The following NRXN2 variants were observed in gnomAD, a reference collection of about 807,000 sequenced individuals.
NRXN2 encodes neurexin-2-beta.
NRXN2 carries 29 observed loss-of-function variants against 128.8 expected under a neutral mutation model. That is an observed-to-expected ratio of 0.23 (90% CI 0.17 to 0.31). The LOEUF (loss-of-function observed/expected upper bound fraction) is 0.31. Among genes scored for constraint, NRXN2 ranks in the 10% least tolerant of loss-of-function variants. The pLI, the probability that NRXN2 is intolerant of heterozygous loss-of-function variation, is 1.00. For synonymous variants in NRXN2, 1,098 were observed against 1,075.2 expected (o/e 1.02, Z -0.41); for missense variants, 1,881 against 2,452.6 (o/e 0.77, Z 4.92).
chr11:64,686,714 G>A (rs1210836454), intron 5 of NRXN2, among the ~76,000 whole-genome samples: 3 of 152,240 alleles, frequency 2.0e-5, no homozygotes, highest in African/African-American at 7.2e-5. Flanking sequence ...GGCAAAGAGT[G>A]CCTGGATGTG....
At chr11:64,664,420 G>C (rs2049479578) in intron 9 of NRXN2, among the ~76,000 whole-genome samples, 1 of 151,056 alleles carries the variant, frequency 6.6e-6, no homozygotes, top group South Asian at 2.1e-4. Flanking sequence ...AGAGGTTGCA[G>C]TGAGCCGAGA....
rs1430956975 is a variant in NRXN2, at chr11:64,607,378, G to A, written c.4957C>T (p.Leu1653Phe). Reference sequence around the variant, plus strand: ...CGGTACTTATACATGGCGTAGAGGAGGATGAGGATGCAGAGCGCCGCCGCC... The same window carrying A: ...CGGTACTTATACATGGCGTAGAGGAAGATGAGGATGCAGAGCGCCGCCGCC... Reference protein sequence around the residue: ...VAAAALCILILLYAMYKYRNR... With the variant: ...VAAAALCILIFLYAMYKYRNR... The change falls in exon 23 of 23, where the codon CTC (leucine) becomes TTC (phenylalanine). Residue 1653 changes from leucine to phenylalanine, a missense_variant. Coordinates refer to ENST00000265459, the MANE Select transcript of NRXN2 (RefSeq NM_015080.4). 4 of 1,613,634 alleles carry A rather than the reference G, an allele frequency of 2.5e-6. No homozygotes were observed. The highest frequency in any genetic ancestry group is 1.1e-5 in the South Asian group (1 of 91,078).
At chr11:64,678,597 G>C (rs2051696487) in intron 6 of NRXN2, among the ~76,000 whole-genome samples, 1 of 152,106 alleles carries the variant, frequency 6.6e-6, no homozygotes, top group Non-Finnish European at 1.5e-5. Flanking sequence ...CCAATCTCTA[G>C]TGTCCCCACT....
At position 64,650,610 on chromosome 11, in the gene NRXN2, T is replaced by G; in HGVS notation, c.2947A>C (p.Asn983His). The G allele has an allele frequency of 6.2e-7, 1 of 1,614,024 alleles. No homozygotes were observed. Among genetic ancestry groups the G allele is most frequent in the South Asian group, 1.1e-5 (1 of 91,060 alleles). ...TTCCCCTTCATCAAGGACGGGCCAT[T>G]CCCCAGGTCAAACACGTAGTGGATG... ...GYIHYVFDLGNGPSLMKGNSD... is the reference protein window; with the variant it reads ...GYIHYVFDLGHGPSLMKGNSD... The change falls in exon 15 of 23, where the codon AAT (asparagine) becomes CAT (histidine). Residue 983 changes from asparagine (N) to histidine (H), a missense_variant. Transcript: ENST00000265459.
chr11:64,652,776 T>C (rs1347021966), intron 12 of NRXN2, among the ~76,000 whole-genome samples: 1 of 152,114 alleles, frequency 6.6e-6, no homozygotes. Context: ...CCCATAAATA[T>C]GCAGGATGGC....
intron 18 of NRXN2, among the ~76,000 whole-genome samples, chr11:64,634,604 C>CAG (rs1189822690): frequency 6.6e-6 from 1 of 151,920 alleles, no homozygotes; most frequent in Non-Finnish European, 1.5e-5. Flanking sequence ...TGGAGCTGAG[C>CAG]AGAGAAAGGC....
At chr11:64,655,682 G>A (rs896545074) in intron 11 of NRXN2, among the ~76,000 whole-genome samples, 1 of 152,190 alleles carries the variant, frequency 6.6e-6, no homozygotes, top group African/African-American at 2.4e-5. Context: ...CAGAGAAGAG[G>A]TGTCAGCTCC....
At chr11:64,715,143 AAGAC>A (rs2057259067) in intron 1 of NRXN2, among the ~76,000 whole-genome samples, 1 of 152,208 alleles carries the variant, frequency 6.6e-6, no homozygotes, top group Non-Finnish European at 1.5e-5. Context: ...AATGAAAGAA[AAGAC>A]AGAGAAAATT....
At chr11:64,694,660 GA>G (rs1460928090) in intron 3 of NRXN2, among the ~76,000 whole-genome samples, 1 of 152,102 alleles carries the variant, frequency 6.6e-6, no homozygotes, top group Non-Finnish European at 1.5e-5. Flanking sequence ...CATTTGAACC[GA>G]GTCTCCTCAT....
intron 21 of NRXN2, among the ~76,000 whole-genome samples, chr11:64,620,575 C>G (rs2042179078): frequency 6.6e-6 from 1 of 151,904 alleles, no homozygotes; most frequent in African/African-American, 2.4e-5. Flanking sequence ...TCCCCAGCAA[C>G]AGCCCTGCAG....
intron 2 of NRXN2, among the ~76,000 whole-genome samples, chr11:64,712,205 CT>C (rs2056978525): frequency 6.7e-6 from 1 of 150,024 alleles, no homozygotes; most frequent in Non-Finnish European, 1.5e-5. Context: ...CGCCCCCTGT[CT>C]CACAGGCCCC....
Position 64,651,257 on chromosome 11 carries a change from C to G in NRXN2, c.2916G>C (p.Lys972Asn). ...CAGTGCAATCCCCAGCCCCTCACCCCTTGACCAGCTCGATGACAATGAAGT... is the reference window on the plus strand; with the variant it reads ...CAGTGCAATCCCCAGCCCCTCACCCGTTGACCAGCTCGATGACAATGAAGT... ...GNDFIVIELV[K>N]GYIHYVFDLG... Residue 972 changes from lysine to asparagine, a missense_variant and splice_region_variant, in exon 14 of 23, where the codon AAG (lysine) becomes AAC (asparagine). Lys to Asn is a moderately conservative substitution (Grantham distance 94). Transcript: ENST00000265459. The surrounding 1 kb of genome is among the most constrained non-coding windows in gnomAD (Gnocchi z 5.9). 4 of 1,614,116 alleles carry G rather than the reference C, an allele frequency of 2.5e-6. No homozygotes were observed. Among genetic ancestry groups the G allele is most frequent in the Non-Finnish European group, 3.4e-6 (4 of 1,180,036 alleles).
intron 21 of NRXN2, among the ~76,000 whole-genome samples, chr11:64,620,942 T>A (rs920470921): frequency 6.6e-6 from 1 of 151,550 alleles, no homozygotes; most frequent in African/African-American, 2.4e-5. Context: ...TCTCTCTTAC[T>A]TATTGCAAAG....
chr11:64,669,996 G>A (rs1422267892), intron 7 of NRXN2, among the ~76,000 whole-genome samples: 1 of 152,062 alleles, frequency 6.6e-6, no homozygotes, highest in Non-Finnish European at 1.5e-5. Context: ...CCATCTTCCA[G>A]CGACTGGTCT....
chr11:64,624,466 G>A (rs2042823607), intron 20 of NRXN2, among the ~76,000 whole-genome samples: 1 of 152,232 alleles, frequency 6.6e-6, no homozygotes, highest in African/African-American at 2.4e-5. Flanking sequence ...GAGGCCAAGA[G>A]GCAGAGGGCC....
Position 64,635,445 on chromosome 11 carries a change from G to T in NRXN2, c.3411C>A (p.Thr1137=). 1 of 1,613,784 alleles carries T rather than the reference G, an allele frequency of 6.2e-7. No individual in the cohort carries two copies. Among genetic ancestry groups the T allele is most frequent in the Non-Finnish European group, 8.5e-7 (1 of 1,179,992 alleles). Residue 1137 remains threonine (T), a synonymous_variant, in exon 18 of 23, where the codon ACC becomes ACA. Coordinates refer to ENST00000265459, the MANE Select transcript of NRXN2 (RefSeq NM_015080.4). This position sits in a 1 kb window ranked among gnomAD's most constrained non-coding sequence, Gnocchi z 4.8. ...YGGPVCNDPG[T]TYIFGKGGAL... is the part of the protein sequence containing the mutation. ...CTCCCCCCTTCCCAAAGATGTATGT[G>T]GTCCCGGCTGCAGAGAGAAGGAAAG... is the stretch of plus-strand genomic sequence containing the variant.
Position 64,630,467 on chromosome 11 carries a change from G to C in NRXN2, c.3692C>G (p.Thr1231Ser), listed in dbSNP as rs554786260. 2 of 1,613,874 alleles carry C rather than the reference G, an allele frequency of 1.2e-6. No homozygotes were observed. The highest frequency in any genetic ancestry group is 1.7e-5 in the Admixed American group (1 of 60,032). The change falls in exon 19 of 23, where the codon ACT becomes AGT. Residue 1231 changes from threonine (T) to serine (S), a missense_variant. Thr to Ser is a moderately conservative substitution (Grantham distance 58). Around this residue, in one of 7 missense-constraint regions of NRXN2, gnomAD observed 390 missense variants for 599.6 expected, o/e 0.65. Transcript: ENST00000265459. The surrounding 1 kb of genome is among the most constrained non-coding windows in gnomAD (Gnocchi z 4.6). ...CAGGGTGGCGTTGCCGCCGCTTCGA[G>C]TGAAGCGCACCACGTGGTATTTGCC... ...SDGKYHVVRF[T>S]RSGGNATLQV...
At chr11:64,621,580 A>G (rs2042358471) in intron 21 of NRXN2, among the ~76,000 whole-genome samples, 2 of 152,178 alleles carry the variant, frequency 1.3e-5, no homozygotes, top group African/African-American at 4.8e-5. Flanking sequence ...GAGGGGTCTT[A>G]AAGCACATGG....
At position 64,623,222 on chromosome 11, in the gene NRXN2, A is replaced by G. The variant is rs969480918; in HGVS notation, c.3848-144T>C. ...AGGGAGGAGGGGACGGGGAGAAATGAGGAAGGGGCAGAAAGCCAAAGGGAA... is the reference window on the plus strand; with the variant it reads ...AGGGAGGAGGGGACGGGGAGAAATGGGGAAGGGGCAGAAAGCCAAAGGGAA... On this transcript the variant is annotated intron_variant, in intron 20 of 22. Transcript: ENST00000265459. This position sits in a 1 kb window ranked among gnomAD's most constrained non-coding sequence, Gnocchi z 4.9. 5 of 1,332,130 alleles carry G rather than the reference A, an allele frequency of 3.8e-6. No homozygotes were observed. The South Asian group carries it at 6.1e-5, about 16-fold the overall frequency. 82.5% of individuals were successfully genotyped at this position (1,332,130 alleles called of 1,614,324 possible).
Sources: allele counts gnomAD v4.1 joint callset (sites outside exome capture counted in the v4.1 genomes callset), GRCh38; gene constraint gnomAD v4.1.1; regional missense constraint gnomAD v4.1.1; non-coding constraint Gnocchi (gnomAD v3.1); transcripts MANE v1.5; gene names NCBI Gene and HGNC (gene_info 2026-07-23, HGNC 2026-07-21).